The following ST6GALNAC1 variants were observed in gnomAD, a reference collection of about 807,000 sequenced individuals.
ST6GALNAC1 encodes alpha-N-acetylgalactosaminide alpha-2,6-sialyltransferase 1.
In ST6GALNAC1, 45 loss-of-function variants were observed where a neutral mutation model predicts 56.8. The ratio of observed to expected loss-of-function variants is 0.79; its 90% CI spans 0.62 to 1.02. The LOEUF (loss-of-function observed/expected upper bound fraction) is 1.02. Ranked by LOEUF, ST6GALNAC1 falls within the 50% of genes least tolerant of loss-of-function variation. ST6GALNAC1 has a pLI of 0.00. For synonymous variants in ST6GALNAC1, 295 were observed against 297.8 expected (o/e 0.99, Z 0.10); for missense variants, 743 against 754.8 (o/e 0.98, Z 0.18).
intron 1 of ST6GALNAC1, among the ~76,000 whole-genome samples, chr17:76,637,102 A>G (rs1021833722): frequency 1.3e-5 from 2 of 151,754 alleles, no homozygotes; most frequent in African/African-American, 4.8e-5. Context: ...CCACTCCCTA[A>G]TCTCAAGTTC....
At chr17:76,631,063 C>CTGTGTGTG (rs1331837039) in intron 1 of ST6GALNAC1, among the ~76,000 whole-genome samples, 993 of 74,416 alleles carry the variant, frequency 0.013, 7 homozygotes, top group African/African-American at 0.037. Context: ...CCCAGCTAAT[C>CTGTGTGTG]TCTGTGTGTG....
rs775031409 is a variant in ST6GALNAC1 at position 76,625,156 on chromosome 17, A to G, written c.*174T>C. On this transcript the variant is annotated 3_prime_UTR_variant, in exon 9 of 9. Transcript: ENST00000156626. ...TGTACTGAAGAACTTCAGAACCTCA[A>G]TTAGCCATTTGCCATCTTGAGAGAG... The G allele has an allele frequency of 6.4e-5, 43 of 670,150 alleles. No individual in the cohort carries two copies. The highest frequency in any genetic ancestry group is 1.0e-4 in the Non-Finnish European group (41 of 401,002). The allele number at this position is 670,150 out of a possible 1,614,324, so 41.5% of individuals were successfully genotyped here.
chr17:76,625,568 G>A, intron 8 of ST6GALNAC1, 41 bp from the exon 9 acceptor site: 1 of 1,602,914 alleles, frequency 6.2e-7, no homozygotes, highest in Non-Finnish European at 8.5e-7. Flanking sequence ...TGTAGTTGCT[G>A]TTGCCCAGGC....
intron 1 of ST6GALNAC1, among the ~76,000 whole-genome samples, chr17:76,633,070 G>A (rs1333986068): frequency 6.6e-6 from 1 of 151,826 alleles, no homozygotes; most frequent in Non-Finnish European, 1.5e-5. Context: ...TTAGTTTGGT[G>A]TGTTGGCACG....
Position 76,643,712 on chromosome 17 carries a change from G to T in ST6GALNAC1, c.-74C>A, listed in dbSNP as rs183095809. On this transcript the variant is annotated 5_prime_UTR_variant, in exon 1 of 9. Coordinates refer to ENST00000156626, the MANE Select transcript of ST6GALNAC1 (RefSeq NM_018414.5). ...GATGTAGGCAGCTGGGAGTCTCACCGCTCAGGTTTCCTGGCCAGGAAGTGC... is the reference window on the plus strand; with the variant it reads ...GATGTAGGCAGCTGGGAGTCTCACCTCTCAGGTTTCCTGGCCAGGAAGTGC... 2.7e-6 allele frequency: 4 copies of T among 1,507,226 alleles called. No individual in the cohort carries two copies. The highest frequency in any genetic ancestry group is 3.6e-6 in the Non-Finnish European group (4 of 1,098,588). The allele number at this position is 1,507,226 out of a possible 1,614,324, so 93.4% of individuals were successfully genotyped here.
intron 1 of ST6GALNAC1, among the ~76,000 whole-genome samples, chr17:76,633,303 G>A (rs79954243): frequency 0.099 from 15,060 of 152,052 alleles, 795 homozygotes; most frequent in South Asian, 0.13. Flanking sequence ...CTGAGGTCGG[G>A]AGTTCGAGAC....
the ST6GALNAC1 span, among the ~76,000 whole-genome samples, chr17:76,618,173 G>T: frequency 6.6e-6 from 1 of 152,190 alleles, no homozygotes; most frequent in African/African-American, 2.4e-5. Flanking sequence ...CAGACAATAA[G>T]CAGGTGGTTT....
At chr17:76,637,070 GCAT>G in intron 1 of ST6GALNAC1, among the ~76,000 whole-genome samples, 1 of 151,852 alleles carries the variant, frequency 6.6e-6, no homozygotes, top group Non-Finnish European at 1.5e-5. Context: ...CTTGAAGGCA[GCAT>G]GCTCGTTAAG....
chr17:76,629,033 G>A lies in ST6GALNAC1; in HGVS notation c.810C>T (p.Phe270=), dbSNP rs369620147. 359 of 1,533,538 alleles carry A rather than the reference G, an allele frequency of 2.3e-4. No individual in the cohort carries two copies. Among genetic ancestry groups the A allele is most frequent in the Non-Finnish European group, 3.0e-4 (340 of 1,141,806 alleles). The allele number at this position is 1,533,538 out of a possible 1,614,324, so 95.0% of individuals were successfully genotyped here. A position where few individuals can be genotyped will look rare whatever the true frequency, so the allele number is the denominator to read the frequency against. The change falls in exon 2 of 9, where the codon TTC becomes TTT. Residue 270 remains phenylalanine (F), a synonymous_variant. Coordinates refer to ENST00000156626, the MANE Select transcript of ST6GALNAC1 (RefSeq NM_018414.5). ...PRWDFEEKYS[F]EIGGLQTTCP... ...TCACCGTCTGAAGGCCTCCTATTTCGAAGCTGTATTTTTCCTCAAAATCCC... is the reference window on the plus strand; with the variant it reads ...TCACCGTCTGAAGGCCTCCTATTTCAAAGCTGTATTTTTCCTCAAAATCCC...
intron 1 of ST6GALNAC1, among the ~76,000 whole-genome samples, chr17:76,636,645 C>T (rs1438982249): frequency 2.0e-5 from 3 of 151,192 alleles, no homozygotes; most frequent in East Asian, 2.0e-4. Context: ...CCTCCCCGTC[C>T]GGGAGGTGGG....
Position 76,627,092 on chromosome 17 carries a change from T to C in ST6GALNAC1, c.1147A>G (p.Ile383Val). The change falls in exon 4 of 9, where the codon ATA becomes GTA. Residue 383 changes from isoleucine (I) to valine (V), a missense_variant. Coordinates refer to ENST00000156626, the MANE Select transcript of ST6GALNAC1 (RefSeq NM_018414.5). This position sits in a 1 kb window ranked among gnomAD's most constrained non-coding sequence, Gnocchi z 4.4. ...CGGAACACGTAGTCGTGACTGTCTA[T>C]CTCCTGGCCCATGTGGGAGTTGTTC... ...ILNNSHMGQE[I>V]DSHDYVFRLS... is the part of the protein sequence containing the mutation. 6.4e-7 allele frequency: 1 copy of C among 1,566,322 alleles called. No homozygotes were observed. The highest frequency in any genetic ancestry group is 8.6e-7 in the Non-Finnish European group (1 of 1,156,586).
rs145331310 is a variant in ST6GALNAC1 at position 76,627,444 on chromosome 17, G to C, written c.971C>G (p.Pro324Arg). Reference sequence around the variant, plus strand: ...GTAGTTGAGCTCCATGAAGCCAAAGGGTGGTGCAAAGTGTTCCAGGCGGTC... The same window carrying C: ...GTAGTTGAGCTCCATGAAGCCAAAGCGTGGTGCAAAGTGTTCCAGGCGGTC... ...EWDRLEHFAP[P>R]FGFMELNYSL... The change falls in exon 3 of 9, where the codon CCC (proline) becomes CGC (arginine). Residue 324 changes from proline (P) to arginine (R), a missense_variant. By Grantham distance (103) the Pro-to-Arg change is moderately radical. Transcript: ENST00000156626. This position sits in a 1 kb window ranked among gnomAD's most constrained non-coding sequence, Gnocchi z 4.4. 1.1e-5 allele frequency: 17 copies of C among 1,614,096 alleles called. No homozygotes were observed. In the South Asian group the frequency reaches 1.2e-4, roughly 11 times the overall value.
rs945607797 is a variant in ST6GALNAC1 at position 76,634,977 on chromosome 17, GACTTT to G, written c.132-5271_132-5267del. ...AAGTGAATGAATGCTTTATTTTTAC[GACTTT>G]ACTTTGACTTTAGATGTGTCTATAC... is the stretch of plus-strand genomic sequence containing the variant. On this transcript the variant is annotated intron_variant, in intron 1 of 8. Transcript: ENST00000156626. Among the ~76,000 whole-genome samples the G allele has an allele frequency of 5.3e-5, 8 of 152,048 alleles. No homozygotes were observed. In the East Asian group the frequency reaches 1.3e-3, roughly 26 times the overall value.
rs2076080455 is a variant in ST6GALNAC1, at chr17:76,643,716, A to G, written c.-78T>C. 2.0e-6 allele frequency: 3 copies of G among 1,479,918 alleles called. No homozygotes were observed. The African/African-American group carries it at 4.2e-5, about 21-fold the overall frequency. 91.7% of individuals were successfully genotyped at this position (1,479,918 alleles called of 1,614,324 possible). A position where few individuals can be genotyped will look rare whatever the true frequency, so the allele number is the denominator to read the frequency against. ...TAGGCAGCTGGGAGTCTCACCGCTC[A>G]GGTTTCCTGGCCAGGAAGTGCACAC... On this transcript the variant is annotated 5_prime_UTR_variant, in exon 1 of 9. Transcript: ENST00000156626.
chr17:76,638,109 TC>T (rs1289165304), intron 1 of ST6GALNAC1, among the ~76,000 whole-genome samples: 2 of 101,996 alleles, frequency 2.0e-5, no homozygotes, highest in Non-Finnish European at 3.8e-5. Flanking sequence ...TACAGCTCAC[TC>T]TTTTTTTTTT....
intron 1 of ST6GALNAC1, among the ~76,000 whole-genome samples, chr17:76,638,199 C>A (rs1193986576): frequency 1.3e-5 from 2 of 150,482 alleles, no homozygotes; most frequent in African/African-American, 4.9e-5. Flanking sequence ...CTCTTAATTA[C>A]CATCTCTAAA....
chr17:76,642,663 G>C (rs1351251937), intron 1 of ST6GALNAC1, among the ~76,000 whole-genome samples: 1 of 152,166 alleles, frequency 6.6e-6, no homozygotes, highest in Non-Finnish European at 1.5e-5. Flanking sequence ...GGGCGCAGTG[G>C]CTCACGCCTG....
Position 76,627,642 on chromosome 17 carries a change from G to A in ST6GALNAC1, c.832-59C>T, listed in dbSNP as rs907866245. The A allele has an allele frequency of 1.3e-6, 2 of 1,532,106 alleles. No homozygotes were observed. Among genetic ancestry groups the A allele is most frequent in the African/African-American group, 2.7e-5 (2 of 72,778 alleles). The allele number at this position is 1,532,106 out of a possible 1,614,324, so 94.9% of individuals were successfully genotyped here. A position where few individuals can be genotyped will look rare whatever the true frequency, so the allele number is the denominator to read the frequency against. ...GACCCAGAAAGGCCATCGGCCAGGG[G>A]CTGCACCACTGCAGCAAGGGCTGGG... is the stretch of plus-strand genomic sequence containing the variant. On this transcript the variant is annotated intron_variant, in intron 2 of 8. Coordinates refer to ENST00000156626, the MANE Select transcript of ST6GALNAC1 (RefSeq NM_018414.5). This position sits in a 1 kb window ranked among gnomAD's most constrained non-coding sequence, Gnocchi z 4.4.
intron 1 of ST6GALNAC1, among the ~76,000 whole-genome samples, chr17:76,632,445 A>G (rs1480270099): frequency 6.6e-6 from 1 of 152,022 alleles, no homozygotes; most frequent in Non-Finnish European, 1.5e-5. Context: ...CCTCTCTGGA[A>G]CCCTGTCTAG....
Sources: gnomAD v4.1 joint callset for allele counts (sites outside exome capture counted in the v4.1 genomes callset) on GRCh38, gnomAD v4.1.1 for gene constraint, Gnocchi (gnomAD v3.1) non-coding constraint, MANE v1.5 for transcripts, NCBI Gene and HGNC (gene_info 2026-07-23, HGNC 2026-07-21) for gene names.